Variants in DNAH14 observed in about 807,000 individuals in gnomAD.
The protein encoded by DNAH14 is axonemal beta dynein heavy chain 14.
A neutral mutation model predicts 520.9 loss-of-function variants in DNAH14; 478 were observed. The ratio of observed to expected loss-of-function variants is 0.92; its 90% CI spans 0.85 to 0.99. DNAH14 has a LOEUF of 0.99. Among genes scored for constraint, DNAH14 ranks in the 50% least tolerant of loss-of-function variants. DNAH14 has a pLI of 0.00. For missense variants in DNAH14, 4,831 were observed against 5,234.5 expected, an observed-to-expected ratio of 0.92 and a Z score of 2.38; for synonymous variants, 1,581 against 1,757.2, an observed-to-expected ratio of 0.90 and a Z score of 2.51.
chr1:225,398,066 A>AAAAAAC (rs1558636793), intron 84 of DNAH14: 3 of 150,226 alleles, frequency 2.0e-5, no homozygotes, highest in African/African-American at 7.3e-5. Flanking sequence ...AAAAAAAAAA[A>AAAAAAC]AAACCCCTCC....
intron 23 of DNAH14, among the ~76,000 whole-genome samples, chr1:225,101,728 T>C (rs573733263): frequency 6.6e-6 from 1 of 152,306 alleles, no homozygotes; most frequent in East Asian, 1.9e-4. Context: ...CCATTTTGTA[T>C]ATATACCACA....
chr1:225,197,585 G>A (rs1443759940), intron 38 of DNAH14, among the ~76,000 whole-genome samples: 1 of 152,174 alleles, frequency 6.6e-6, no homozygotes, highest in East Asian at 1.9e-4. Context: ...AAGAATGATA[G>A]TGGTATTTTG....
At chr1:225,001,734 C>T (rs2063788403) in intron 8 of DNAH14, among the ~76,000 whole-genome samples, 1 of 152,074 alleles carries the variant, frequency 6.6e-6, no homozygotes, top group Non-Finnish European at 1.5e-5. Context: ...TTTTGATAGT[C>T]ACCATCTTGT....
intron 8 of DNAH14, among the ~76,000 whole-genome samples, chr1:224,985,250 C>T (rs1388918739): frequency 6.6e-6 from 1 of 152,048 alleles, no homozygotes. Flanking sequence ...TGTAAAGAAA[C>T]CCTGGTATAT....
In DNAH14 at chr1:225,335,354, CATATACACGTGTACATGT is replaced by C. The variant is rs1558427616; in HGVS notation, c.10080+1849_10080+1866del. 8.8e-4 allele frequency among the ~76,000 whole-genome samples: 28 copies of C among 31,876 alleles called. 1 individual carries two copies. The highest frequency in any genetic ancestry group is 3.6e-3 in the African/African-American group (14 of 3,918). 20.9% of individuals were successfully genotyped at this position (31,876 alleles called of 152,430 possible). On this transcript the variant is annotated intron_variant, in intron 66 of 85. Coordinates refer to ENST00000682510, the MANE Select transcript of DNAH14 (RefSeq NM_001367479.1). ...ACGTGTGTACATGTGTGTGTATATG[CATATACACGTGTACATGT>C]GTGTGTATATGCACATATACACATG...
chr1:225,324,197 A>T, intron 62 of DNAH14, 25 bp from the exon 63 acceptor site: 3 of 1,550,062 alleles, frequency 1.9e-6, no homozygotes, highest in African/African-American at 1.4e-5. Context: ...TTTCTCATGT[A>T]ATACATTAAC....
Position 225,140,915 on chromosome 1 carries a change from A to C in DNAH14, c.4402A>C (p.Lys1468Gln). ...VVLDTSNSRT[K>Q]AILGALLILY... The stretch of plus-strand genomic sequence containing the variant: ...GCTGGATACTAGTAACTCTCGAACA[A>C]AAGCTATACTAGGGGCATTGCTTAT... The change falls in exon 28 of 86, where the codon AAA becomes CAA. Residue 1468 changes from lysine (K) to glutamine (Q), a missense_variant. Lys to Gln is a moderately conservative substitution (Grantham distance 53). Transcript: ENST00000682510. 6.4e-7 allele frequency: 1 copy of C among 1,551,424 alleles called. No homozygotes were observed. The highest frequency in any genetic ancestry group is 8.7e-7 in the Non-Finnish European group (1 of 1,146,926).
chr1:225,288,785 G>A (rs756812104), intron 54 of DNAH14, among the ~76,000 whole-genome samples: 9 of 152,076 alleles, frequency 5.9e-5, no homozygotes, highest in Non-Finnish European at 1.2e-4. Context: ...CCACTTGAAT[G>A]GCTATAATCA....
intron 84 of DNAH14, among the ~76,000 whole-genome samples, chr1:225,394,688 C>A (rs1650456393): frequency 6.6e-6 from 1 of 151,992 alleles, no homozygotes; most frequent in South Asian, 2.1e-4. Flanking sequence ...ACTAAAAATA[C>A]AAAAAATTAG....
At chr1:225,211,668 A>C (rs1482846184) in intron 41 of DNAH14, among the ~76,000 whole-genome samples, 1 of 152,136 alleles carries the variant, frequency 6.6e-6, no homozygotes, top group African/African-American at 2.4e-5. Context: ...ACTCCTCAAG[A>C]AGAGAAACCC....
chr1:225,284,908 C>T (rs954650752), intron 54 of DNAH14, among the ~76,000 whole-genome samples: 8 of 152,020 alleles, frequency 5.3e-5, no homozygotes, highest in Admixed American at 5.2e-4. Context: ...TCAGGAGATG[C>T]AGAGAAGCAC....
At chr1:225,273,304 C>T (rs1008071250) in intron 52 of DNAH14, among the ~76,000 whole-genome samples, 179 bp downstream of exon 52, 6 of 152,084 alleles carry the variant, frequency 3.9e-5, no homozygotes, top group African/African-American at 9.7e-5. Flanking sequence ...TGGTGATGGG[C>T]GCCTGTAGTC....
chr1:225,284,778 T>C (rs2093699165), intron 54 of DNAH14, among the ~76,000 whole-genome samples: 1 of 152,170 alleles, frequency 6.6e-6, no homozygotes, highest in African/African-American at 2.4e-5. Context: ...ATAGCAAGTA[T>C]TATACATCAT....
At chr1:225,173,672 C>G (rs1184543324) in intron 36 of DNAH14, among the ~76,000 whole-genome samples, 1 of 152,184 alleles carries the variant, frequency 6.6e-6, no homozygotes, top group Non-Finnish European at 1.5e-5. Context: ...GGACTGTAAA[C>G]TAGTTCAACC....
At chr1:225,092,463 A>C (rs2074482909) in intron 21 of DNAH14, among the ~76,000 whole-genome samples, 1 of 152,158 alleles carries the variant, frequency 6.6e-6, no homozygotes, top group Non-Finnish European at 1.5e-5. Flanking sequence ...GAGATAAATC[A>C]AGAAATTCTT....
rs921742848 is a variant in DNAH14 at position 225,008,260 on chromosome 1, T to C, written c.1107+716T>C. Among the ~76,000 whole-genome samples the C allele has an allele frequency of 2.0e-5, 3 of 152,202 alleles. No individual in the cohort carries two copies. In the East Asian group the frequency reaches 5.8e-4, roughly 29 times the overall value. On this transcript the variant is annotated intron_variant, in intron 10 of 85. Coordinates refer to ENST00000682510, the MANE Select transcript of DNAH14 (RefSeq NM_001367479.1). ...CCCTGCAAAGGACATGAACTCATTCTTTTTTATGGTTGCGTAGTATTCCAT... is the reference window on the plus strand; with the variant it reads ...CCCTGCAAAGGACATGAACTCATTCCTTTTTATGGTTGCGTAGTATTCCAT...
intron 8 of DNAH14, among the ~76,000 whole-genome samples, chr1:224,999,527 T>G (rs550929451): frequency 3.2e-4 from 49 of 152,272 alleles, no homozygotes; most frequent in African/African-American, 1.1e-3. Context: ...TTAAAATACA[T>G]TCTACCAATC....
At chr1:225,310,596 C>G (rs1383199996) in intron 60 of DNAH14, among the ~76,000 whole-genome samples, 1 of 152,176 alleles carries the variant, frequency 6.6e-6, no homozygotes, top group Non-Finnish European at 1.5e-5. Flanking sequence ...TATCTCTCCC[C>G]TAGACCCTCA....
chr1:225,058,870 G>C (rs2148388028), intron 17 of DNAH14, among the ~76,000 whole-genome samples: 1 of 152,250 alleles, frequency 6.6e-6, no homozygotes, highest in South Asian at 2.1e-4. Flanking sequence ...CTGAGTTCTA[G>C]TTTGATGGCA....
Sources: gnomAD v4.1 joint callset for allele counts (sites outside exome capture counted in the v4.1 genomes callset) on GRCh38, gnomAD v4.1.1 for gene constraint, MANE v1.5 for transcripts, NCBI Gene and HGNC (gene_info 2026-07-23, HGNC 2026-07-21) for gene names.